The following ZSWIM5 variants were observed in gnomAD, a reference collection of about 807,000 sequenced individuals.
ZSWIM5 encodes the protein zinc finger SWIM-type containing 5.
ZSWIM5 carries 55 observed loss-of-function variants against 119.6 expected under a neutral mutation model. The observed-to-expected ratio is 0.46, with a 90% confidence interval of 0.37 to 0.58. The LOEUF is 0.58. ZSWIM5 is among the 20% of genes least tolerant of loss of function. The pLI is 0.00. For synonymous variants in ZSWIM5, 537 were observed against 606.9 expected (o/e 0.88, Z 1.69); for missense variants, 1,193 against 1,512.8 (o/e 0.79, Z 3.51).
At chr1:45,169,163 A>G (rs1645929410) in intron 1 of ZSWIM5, among the ~76,000 whole-genome samples, 1 of 151,852 alleles carries the variant, frequency 6.6e-6, no homozygotes, top group African/African-American at 2.4e-5. Context: ...CAATCTGTAT[A>G]TCTAGTTTCT....
intron 11 of ZSWIM5, among the ~76,000 whole-genome samples, chr1:45,022,856 G>A (rs1300485884): frequency 1.3e-5 from 2 of 152,162 alleles, no homozygotes; most frequent in African/African-American, 4.8e-5. Context: ...ATCACCTCTA[G>A]ATTACTTATA....
chr1:45,022,753 G>T (rs1644895707), intron 11 of ZSWIM5, among the ~76,000 whole-genome samples: 1 of 152,130 alleles, frequency 6.6e-6, no homozygotes, highest in African/African-American at 2.4e-5. Flanking sequence ...CAGCACCTGT[G>T]GGGGATTGGT....
At chr1:45,152,540 G>A (rs540771803) in intron 1 of ZSWIM5, among the ~76,000 whole-genome samples, 57 of 152,056 alleles carry the variant, frequency 3.7e-4, no homozygotes, top group African/African-American at 1.4e-3. Flanking sequence ...CTGGGTAGCT[G>A]GTTAGAGATA....
intron 11 of ZSWIM5, among the ~76,000 whole-genome samples, chr1:45,029,728 G>T (rs1644940999): frequency 6.6e-6 from 1 of 151,980 alleles, no homozygotes; most frequent in African/African-American, 2.4e-5. Flanking sequence ...ATTTCACTTA[G>T]CATGTTCTCA....
chr1:45,113,960 T>C (rs1570112949), intron 1 of ZSWIM5, among the ~76,000 whole-genome samples: 1 of 152,248 alleles, frequency 6.6e-6, no homozygotes, highest in East Asian at 1.9e-4. Flanking sequence ...CTTCCACATA[T>C]GTAGTTTATA....
chr1:45,070,055 G>T, intron 2 of ZSWIM5: 1 of 854,016 alleles, frequency 1.2e-6, no homozygotes, highest in South Asian at 1.3e-5. Context: ...AGACACACAC[G>T]AATCCAATGA....
rs1206049588 is a variant in ZSWIM5 at position 45,060,247 on chromosome 1, C to T, written c.953G>A (p.Gly318Asp). The T allele has an allele frequency of 6.2e-7, 1 of 1,613,226 alleles. No individual in the cohort carries two copies. The highest frequency in any genetic ancestry group is 1.3e-5 in the African/African-American group (1 of 74,852). The change falls in exon 3 of 14, where the codon GGT becomes GAT. Residue 318 changes from glycine (G) to aspartate (D), a missense_variant and splice_region_variant. By Grantham distance (94) the Gly-to-Asp change is moderately conservative (BLOSUM62 -1). This residue lies in a region of ZSWIM5 where 961 missense variants were observed against 1,290.0 expected (regional missense o/e 0.74). Transcript: ENST00000359600. ...GGCCCCAGCTGTGGGGTCAGGGGCA[C>T]CTATGAAGAATGAGAACAGTGAAAT... ...SSNSEINQVNGAPDPTAGASI... is the reference protein window; with the variant it reads ...SSNSEINQVNDAPDPTAGASI...
At chr1:45,195,641 C>A (rs1019801374) in intron 1 of ZSWIM5, among the ~76,000 whole-genome samples, 1 of 152,068 alleles carries the variant, frequency 6.6e-6, no homozygotes, top group East Asian at 1.9e-4. Flanking sequence ...GTAACAATGA[C>A]AATTTTTACT....
intron 1 of ZSWIM5, among the ~76,000 whole-genome samples, chr1:45,120,108 C>T (rs1218295891): frequency 6.6e-6 from 1 of 152,206 alleles, no homozygotes; most frequent in African/African-American, 2.4e-5. Flanking sequence ...CTATGGGAGG[C>T]CGAGGTGGGT....
At chr1:45,157,599 C>T (rs1002608608) in intron 1 of ZSWIM5, among the ~76,000 whole-genome samples, 3 of 152,150 alleles carry the variant, frequency 2.0e-5, no homozygotes, top group African/African-American at 7.2e-5. Flanking sequence ...CCGTGTACAA[C>T]TAGGATGTTT....
intron 1 of ZSWIM5, among the ~76,000 whole-genome samples, chr1:45,109,833 G>T (rs1373145329): frequency 6.6e-6 from 1 of 151,434 alleles, no homozygotes; most frequent in Non-Finnish European, 1.5e-5. Context: ...ACTGTCAATT[G>T]TGTATTTATG....
chr1:45,167,109 T>C (rs889051754), intron 1 of ZSWIM5, among the ~76,000 whole-genome samples: 1 of 152,102 alleles, frequency 6.6e-6, no homozygotes, highest in African/African-American at 2.4e-5. Flanking sequence ...AGCATGGTAC[T>C]GGTACCAAAA....
intron 1 of ZSWIM5, among the ~76,000 whole-genome samples, chr1:45,182,369 A>C (rs1354813201): frequency 2.0e-5 from 3 of 149,370 alleles, no homozygotes; most frequent in Admixed American, 6.7e-5. Context: ...GCGCCACAGC[A>C]CTCCCGCCTG....
intron 1 of ZSWIM5, among the ~76,000 whole-genome samples, chr1:45,093,939 GCTCAAGGAATT>G (rs1242258771): frequency 6.6e-6 from 1 of 151,246 alleles, no homozygotes; most frequent in Non-Finnish European, 1.5e-5. Context: ...GACCTCCTGG[GCTCAAGGAATT>G]CTCCCAAATT....
rs770963380 is a variant in ZSWIM5 at position 45,019,295 on chromosome 1, A to G, written c.2717T>C (p.Ile906Thr). 1 of 1,612,080 alleles carries G rather than the reference A, an allele frequency of 6.2e-7. No individual in the cohort carries two copies. Residue 906 changes from isoleucine to threonine, a missense_variant, in exon 14 of 14, where the codon ATC becomes ACC. By Grantham distance (89) the Ile-to-Thr change is moderately conservative. Around this residue, in one of 2 missense-constraint regions of ZSWIM5, gnomAD observed 961 missense variants for 1,290.0 expected, o/e 0.74. Coordinates refer to ENST00000359600, the MANE Select transcript of ZSWIM5 (RefSeq NM_020883.2). This position sits in a 1 kb window ranked among gnomAD's most constrained non-coding sequence, Gnocchi z 5.0. ...TEVGVRALVS[I>T]LQSWYTLFTP... ...GAAGAGTGTGTACCAGCTCTGCAAGATGCTCACCAGGGCCCGCACACCTGT... is the reference window on the plus strand; with the variant it reads ...GAAGAGTGTGTACCAGCTCTGCAAGGTGCTCACCAGGGCCCGCACACCTGT...
chr1:45,051,152 G>A lies in ZSWIM5; in HGVS notation c.1354C>T (p.Pro452Ser), dbSNP rs548497538. 2 of 1,614,058 alleles carry A rather than the reference G, an allele frequency of 1.2e-6. No individual in the cohort carries two copies. Among genetic ancestry groups the A allele is most frequent in the Non-Finnish European group, 1.7e-6 (2 of 1,180,052 alleles). The change falls in exon 5 of 14, where the codon CCC becomes TCC. Residue 452 changes from proline (P) to serine (S), a missense_variant. By Grantham distance (74) the Pro-to-Ser change is moderately conservative (BLOSUM62 -1). This residue lies in a region of ZSWIM5 where 961 missense variants were observed against 1,290.0 expected (regional missense o/e 0.74). Coordinates refer to ENST00000359600, the MANE Select transcript of ZSWIM5 (RefSeq NM_020883.2). ...TGTCCATAGTTTCCATCCTCCAGGG[G>A]ACAGACATCCAGGTCGCTCCACTTC... Reference protein sequence around the residue: ...LQKWSDLDVCPLEDGNYGHEL... With the variant: ...LQKWSDLDVCSLEDGNYGHEL...
At chr1:45,113,152 A>G (rs1486537903) in intron 1 of ZSWIM5, among the ~76,000 whole-genome samples, 2 of 152,210 alleles carry the variant, frequency 1.3e-5, no homozygotes, top group Admixed American at 1.3e-4. Flanking sequence ...CACTTGTTGA[A>G]AAAATATTGC....
At chr1:45,067,340 G>A (rs1409089604) in intron 2 of ZSWIM5, among the ~76,000 whole-genome samples, 1 of 151,946 alleles carries the variant, frequency 6.6e-6, no homozygotes, top group Non-Finnish European at 1.5e-5. Context: ...TTGGGAGGCT[G>A]AGGTGGGAGG....
intron 12 of ZSWIM5, 77 bp from the exon 13 acceptor site, chr1:45,020,224 C>CAAG: frequency 8.3e-7 from 1 of 1,203,712 alleles, no homozygotes; most frequent in Non-Finnish European, 1.2e-6. Flanking sequence ...TTCATTTATG[C>CAAG]GACAAATATT....
Sources: gnomAD v4.1 joint callset for allele counts (sites outside exome capture counted in the v4.1 genomes callset) on GRCh38, gnomAD v4.1.1 for gene constraint, gnomAD v4.1.1 regional missense constraint, Gnocchi (gnomAD v3.1) non-coding constraint, MANE v1.5 for transcripts, NCBI Gene and HGNC (gene_info 2026-07-23, HGNC 2026-07-21) for gene names.